The following CYP3A43 variants were observed in gnomAD, a reference collection of about 807,000 sequenced individuals.
CYP3A43 encodes the protein cytochrome P450 3A43.
CYP3A43 carries 45 observed loss-of-function variants against 58.0 expected under a neutral mutation model. The observed-to-expected ratio is 0.78, with a 90% CI of 0.61 to 0.99. The LOEUF is 0.99. Among genes scored for constraint, CYP3A43 ranks in the 50% least tolerant of loss-of-function variants. CYP3A43 has a pLI of 0.00. For missense variants in CYP3A43, 593 were observed against 591.9 expected, an observed-to-expected ratio of 1.00 and a Z score of -0.02; for synonymous variants, 191 against 201.4, an observed-to-expected ratio of 0.95 and a Z score of 0.44.
chr7:99,865,831 C>T lies in CYP3A43; in HGVS notation c.1417-75C>T, dbSNP rs188692927. On this transcript the variant is annotated intron_variant, in intron 12 of 12. Transcript: ENST00000354829. Reference sequence around the variant, plus strand: ...CATTGCAAAGCATTACCCTTGATGTCATCTTTTTTATTTTGCTTCTATCTT... The same window carrying T: ...CATTGCAAAGCATTACCCTTGATGTTATCTTTTTTATTTTGCTTCTATCTT... 45 of 1,062,514 alleles carry T rather than the reference C, an allele frequency of 4.2e-5. 1 individual carries two copies. The Admixed American group carries it at 9.3e-4, about 22-fold the overall frequency. The allele number at this position is 1,062,514 out of a possible 1,614,324, so 65.8% of individuals were successfully genotyped here.
chr7:99,833,728 T>A (rs1168420984), intron 1 of CYP3A43, among the ~76,000 whole-genome samples: 4 of 152,242 alleles, frequency 2.6e-5, no homozygotes, highest in Non-Finnish European at 4.4e-5. Context: ...ATTTGCCACC[T>A]CCTCGCGGAG....
chr7:99,855,715 A>G lies in CYP3A43; in HGVS notation c.795A>G (p.Gln265=), dbSNP rs1314152503. 2.5e-6 allele frequency: 4 copies of G among 1,606,394 alleles called. No individual in the cohort carries two copies. Among genetic ancestry groups the G allele is most frequent in the Middle Eastern group, 1.6e-4 (1 of 6,066 alleles). ...RMKESRLKDK[Q]KHRVDFFQQM... is the part of the protein sequence containing the mutation. ...AAGAAAGTCGCCTCAAAGATAAACA[A>G]AAGGTAAAATCTGGTGGTGGTGACA... Residue 265 remains glutamine, a synonymous_variant, in exon 8 of 13, where the codon CAA becomes CAG. Transcript: ENST00000354829.
intron 3 of CYP3A43, chr7:99,839,530 C>T: frequency 2.2e-6 from 1 of 455,892 alleles, no homozygotes; most frequent in Non-Finnish European, 4.2e-6. Flanking sequence ...GTAATAGCTT[C>T]ATACATAAGC....
chr7:99,843,207 A>G (rs1041984340), intron 3 of CYP3A43, among the ~76,000 whole-genome samples: 1 of 152,006 alleles, frequency 6.6e-6, no homozygotes, highest in Non-Finnish European at 1.5e-5. Context: ...CATTTGCCTC[A>G]CTACCTACAC....
chr7:99,854,863 C>T (rs1817909895), intron 7 of CYP3A43, among the ~76,000 whole-genome samples: 1 of 151,992 alleles, frequency 6.6e-6, no homozygotes, highest in African/African-American at 2.4e-5. Flanking sequence ...TGTGAGTTTT[C>T]CAATTCTCTT....
At chr7:99,832,705 A>C (rs1791951501) in intron 1 of CYP3A43, among the ~76,000 whole-genome samples, 3 of 152,144 alleles carry the variant, frequency 2.0e-5, no homozygotes, top group Non-Finnish European at 4.4e-5. Context: ...ATAGAAAAAA[A>C]AACAAAACAA....
chr7:99,859,697 C>G, intron 9 of CYP3A43, 133 bp from the exon 10 acceptor site: 1 of 1,136,792 alleles, frequency 8.8e-7, no homozygotes, highest in South Asian at 1.4e-5. Context: ...TGAAGCCACC[C>G]GCAGTGTGAC....
chr7:99,862,168 C>T (rs1240292587), intron 11 of CYP3A43, among the ~76,000 whole-genome samples: 1 of 152,198 alleles, frequency 6.6e-6, no homozygotes, highest in Non-Finnish European at 1.5e-5. Context: ...TCTTACGTTA[C>T]TACATATTTC....
chr7:99,848,540 A>T (rs1404201421), intron 6 of CYP3A43, among the ~76,000 whole-genome samples: 1 of 152,244 alleles, frequency 6.6e-6, no homozygotes, highest in Non-Finnish European at 1.5e-5. Context: ...AAGAAAAAAT[A>T]AAAACCTGAT....
chr7:99,855,467 C>A lies in CYP3A43; in HGVS notation c.671-124C>A, dbSNP rs991548490. The A allele has an allele frequency of 9.5e-6, 12 of 1,263,888 alleles. No homozygotes were observed. In the South Asian group the frequency reaches 1.4e-4, roughly 15 times the overall value. 78.3% of individuals were successfully genotyped at this position (1,263,888 alleles called of 1,614,324 possible). A position where few individuals can be genotyped will look rare whatever the true frequency, so the allele number is the denominator to read the frequency against. On this transcript the variant is annotated intron_variant, in intron 7 of 12. Coordinates refer to ENST00000354829, the MANE Select transcript of CYP3A43 (RefSeq NM_057095.3). ...TACAGGAAGAGGGGCAAAGGTCATA[C>A]AGGAAATGGATCCTGGTTGAGAACC... is the stretch of plus-strand genomic sequence containing the variant.
intron 2 of CYP3A43, among the ~76,000 whole-genome samples, chr7:99,837,995 C>T (rs1412628649): frequency 6.6e-6 from 1 of 152,170 alleles, no homozygotes; most frequent in East Asian, 1.9e-4. Context: ...TCCTTTTTTA[C>T]CCCCCGAAAA....
chr7:99,834,601 G>A (rs1170694221), intron 1 of CYP3A43, among the ~76,000 whole-genome samples: 2 of 152,170 alleles, frequency 1.3e-5, no homozygotes, highest in Admixed American at 6.5e-5. Flanking sequence ...GCCTCTAGCC[G>A]ATGCCAAGTG....
At chr7:99,837,542 A>C (rs989939463) in intron 2 of CYP3A43, among the ~76,000 whole-genome samples, 1 of 152,154 alleles carries the variant, frequency 6.6e-6, no homozygotes, top group African/African-American at 2.4e-5. Context: ...TTTTCTTCAA[A>C]GGCAGCACCC....
At chr7:99,849,954 C>CCTTTT in intron 7 of CYP3A43, 2 of 464,914 alleles carry the variant, frequency 4.3e-6, no homozygotes, top group South Asian at 1.6e-5. Context: ...TCTTCCTCAC[C>CCTTTT]ATTTTTTTTT....
intron 12 of CYP3A43, among the ~76,000 whole-genome samples, 166 bp from the exon 13 acceptor site, chr7:99,865,740 A>G (rs1220331999): frequency 6.7e-6 from 1 of 148,826 alleles, no homozygotes; most frequent in Non-Finnish European, 1.5e-5. Flanking sequence ...TCCAATCTTC[A>G]CAGAGCTAAC....
intron 12 of CYP3A43, 119 bp downstream of exon 12, chr7:99,863,818 T>G: frequency 1.2e-6 from 1 of 814,248 alleles, no homozygotes. Context: ...AAGAATCTAA[T>G]TGGAGCTATC....
intron 10 of CYP3A43, among the ~76,000 whole-genome samples, chr7:99,860,882 A>ATTT (rs34710117): frequency 1.3e-5 from 2 of 148,712 alleles, no homozygotes; most frequent in African/African-American, 4.9e-5. Context: ...TACTCTCCAC[A>ATTT]TTTTTTTTTT....
chr7:99,849,292 A>G (rs143349189), intron 6 of CYP3A43, among the ~76,000 whole-genome samples: 124 of 152,360 alleles, frequency 8.1e-4, no homozygotes, highest in Middle Eastern at 3.4e-3. Context: ...GTGTCTCCCT[A>G]TGACTGAGGT....
At chr7:99,858,408 C>A (rs538233338) in intron 9 of CYP3A43, among the ~76,000 whole-genome samples, 51 of 152,176 alleles carry the variant, frequency 3.4e-4, no homozygotes, top group Admixed American at 1.6e-3. Flanking sequence ...AGTTCTTAAT[C>A]CAGTCCTGAT....
Sources: gnomAD v4.1 joint callset for allele counts (sites outside exome capture counted in the v4.1 genomes callset) on GRCh38, gnomAD v4.1.1 for gene constraint, MANE v1.5 for transcripts, NCBI Gene and HGNC (gene_info 2026-07-23, HGNC 2026-07-21) for gene names.